OGDH: variants seen among roughly 807,000 people sequenced by gnomAD.
OGDH encodes the protein 2-oxoglutarate dehydrogenase complex component E1.
A neutral mutation model predicts 116.6 loss-of-function variants in OGDH; 38 were observed. The observed-to-expected ratio is 0.33, with a 90% CI of 0.25 to 0.43. The LOEUF is 0.43. Among genes scored for constraint, OGDH ranks in the 20% least tolerant of loss-of-function variants. The pLI, the probability that OGDH is intolerant of heterozygous loss-of-function variation, is 1.00. For missense variants in OGDH, 825 were observed against 1,357.2 expected (o/e 0.61, Z 6.16); for synonymous variants, 488 against 533.3 (o/e 0.92, Z 1.17).
chr7:44,666,700 C>A, intron 4 of OGDH, 36 bp from the exon 5 acceptor site: 1 of 1,303,752 alleles, frequency 7.7e-7, no homozygotes, highest in Non-Finnish European at 1.1e-6. Context: ...CCCCATCCCT[C>A]CTCATCTGGC....
At chr7:44,652,690 C>T (rs1200981249) in intron 4 of OGDH, among the ~76,000 whole-genome samples, 6 of 152,014 alleles carry the variant, frequency 3.9e-5, no homozygotes, top group Admixed American at 2.0e-4. Flanking sequence ...AGTGAGCCAC[C>T]GCGCCCAGCT....
chr7:44,619,956 T>C (rs1163312333), intron 1 of OGDH, among the ~76,000 whole-genome samples: 2 of 152,218 alleles, frequency 1.3e-5, no homozygotes, highest in Non-Finnish European at 2.9e-5. Flanking sequence ...TATCAGATAA[T>C]TGCAAATATT....
rs1784799362 is a variant in OGDH at position 44,616,786 on chromosome 7, TA to T, written c.-27-7530del. On this transcript the variant is annotated intron_variant, in intron 1 of 22. Coordinates refer to ENST00000222673, the MANE Select transcript of OGDH (RefSeq NM_002541.4). ...ATATACACGTATATGTGTATATGCA[TA>T]TATATATGTGTATATATATGCATAT... Among the ~76,000 whole-genome samples, 4 of 62,780 alleles carry T rather than the reference TA, an allele frequency of 6.4e-5. No individual in the cohort carries two copies. In the Admixed American group the frequency reaches 7.0e-4, roughly 11 times the overall value. 41.2% of individuals were successfully genotyped at this position (62,780 alleles called of 152,430 possible).
At chr7:44,696,709 C>A in intron 14 of OGDH, 152 bp downstream of exon 14, 2 of 1,211,926 alleles carry the variant, frequency 1.7e-6, no homozygotes, top group Non-Finnish European at 2.3e-6. Context: ...TTGGATGGAG[C>A]CACCTCTCCC....
intron 4 of OGDH, among the ~76,000 whole-genome samples, chr7:44,665,885 C>T (rs1002104247): frequency 2.6e-5 from 4 of 152,190 alleles, no homozygotes; most frequent in Non-Finnish European, 4.4e-5. Context: ...CAAGATGAAA[C>T]AAGCATATAA....
intron 1 of OGDH, among the ~76,000 whole-genome samples, chr7:44,620,024 G>A (rs1215352716): frequency 6.6e-6 from 1 of 151,780 alleles, no homozygotes; most frequent in Non-Finnish European, 1.5e-5. Context: ...AAAATTTTTT[G>A]TTTTGTTTTG....
chr7:44,611,228 A>C lies in OGDH; in HGVS notation c.-28+4575A>C, dbSNP rs540519622. ...CCTCCTGAGTAGCTAAGAGTACCGG[A>C]GTCTGCACCATGCCTGGCTAATTTT... On this transcript the variant is annotated intron_variant, in intron 1 of 22. Coordinates refer to ENST00000222673, the MANE Select transcript of OGDH (RefSeq NM_002541.4). Among the ~76,000 whole-genome samples, 13 of 151,512 alleles carry C rather than the reference A, an allele frequency of 8.6e-5. No homozygotes were observed. The South Asian group carries it at 2.5e-3, about 29-fold the overall frequency.
chr7:44,705,946 C>A (rs1789052152), intron 20 of OGDH, among the ~76,000 whole-genome samples: 1 of 152,136 alleles, frequency 6.6e-6, no homozygotes, highest in African/African-American at 2.4e-5. Flanking sequence ...ACCCACTTTT[C>A]TATATTTTTT....
chr7:44,622,094 T>G (rs927893046), intron 1 of OGDH, among the ~76,000 whole-genome samples: 1 of 152,170 alleles, frequency 6.6e-6, no homozygotes, highest in African/African-American at 2.4e-5. Context: ...GTTAATGAGG[T>G]GATGCTATTG....
chr7:44,627,572 T>TGG (rs989972865), intron 2 of OGDH, among the ~76,000 whole-genome samples: 57 of 152,356 alleles, frequency 3.7e-4, no homozygotes, highest in African/African-American at 1.3e-3. Flanking sequence ...AGAGAGCTTA[T>TGG]GGGGGGCTGC....
intron 2 of OGDH, among the ~76,000 whole-genome samples, chr7:44,636,008 T>C (rs1298875654): frequency 6.6e-6 from 1 of 152,170 alleles, no homozygotes; most frequent in Non-Finnish European, 1.5e-5. Context: ...TGGCCGGACT[T>C]TATAAATTTT....
intron 1 of OGDH, among the ~76,000 whole-genome samples, chr7:44,612,098 T>G (rs1403691858): frequency 1.3e-5 from 2 of 152,112 alleles, no homozygotes; most frequent in Non-Finnish European, 2.9e-5. Flanking sequence ...TGTTTTTTGG[T>G]TTTTGTGGGG....
intron 2 of OGDH, among the ~76,000 whole-genome samples, chr7:44,632,293 A>G (rs1006212564): frequency 2.8e-4 from 43 of 151,940 alleles, no homozygotes; most frequent in African/African-American, 9.7e-4. Flanking sequence ...GGATCACTGC[A>G]TCTTTTGGAG....
chr7:44,649,246 T>G (rs972772046), intron 4 of OGDH, among the ~76,000 whole-genome samples: 5 of 60,942 alleles, frequency 8.2e-5, no homozygotes, highest in South Asian at 5.1e-4. Context: ...TTTTCTGTTG[T>G]TTTTTTTTTT....
intron 9 of OGDH, 145 bp downstream of exon 9, chr7:44,676,294 G>A (rs545173974): frequency 1.3e-5 from 20 of 1,518,964 alleles, no homozygotes; most frequent in East Asian, 5.0e-5. Context: ...AGTGTCTCAC[G>A]CCTGTAATCC....
At chr7:44,705,133 A>G (rs1789013183) in intron 20 of OGDH, among the ~76,000 whole-genome samples, 1 of 132,282 alleles carries the variant, frequency 7.6e-6, no homozygotes, top group African/African-American at 3.2e-5. Context: ...GCTCACTGCA[A>G]GCTCCACCTC....
chr7:44,684,824 C>G (rs1458158911), intron 10 of OGDH, among the ~76,000 whole-genome samples: 3 of 151,880 alleles, frequency 2.0e-5, no homozygotes, highest in African/African-American at 4.8e-5. Flanking sequence ...GAGTCTTGCT[C>G]TGTCACCCAG....
At chr7:44,623,766 C>T (rs1251820675) in intron 1 of OGDH, among the ~76,000 whole-genome samples, 1 of 152,144 alleles carries the variant, frequency 6.6e-6, no homozygotes, top group Non-Finnish European at 1.5e-5. Flanking sequence ...CTGCCTCAGC[C>T]TCCCAAGTAT....
intron 10 of OGDH, among the ~76,000 whole-genome samples, chr7:44,684,140 G>A (rs913569715): frequency 1.2e-4 from 19 of 152,188 alleles, no homozygotes; most frequent in Non-Finnish European, 2.6e-4. Flanking sequence ...AGAGGTCCTA[G>A]TGTCTGAAGG....
Sources: gnomAD v4.1 joint callset for allele counts (sites outside exome capture counted in the v4.1 genomes callset) on GRCh38, gnomAD v4.1.1 for gene constraint, MANE v1.5 for transcripts, NCBI Gene and HGNC (gene_info 2026-07-23, HGNC 2026-07-21) for gene names.